Variants in PTPRG observed in about 807,000 individuals in gnomAD.
The protein encoded by PTPRG is receptor-type tyrosine-protein phosphatase gamma.
PTPRG carries 102 observed loss-of-function variants against 165.3 expected under a neutral mutation model. The ratio of observed to expected loss-of-function variants is 0.62; its 90% CI spans 0.53 to 0.73. PTPRG has a LOEUF of 0.73. Among genes scored for constraint, PTPRG ranks in the 30% least tolerant of loss-of-function variants. PTPRG has a pLI of 0.00. For synonymous variants in PTPRG, 675 were observed against 669.5 expected, an observed-to-expected ratio of 1.01 and a Z score of -0.13; for missense variants, 1,866 against 1,861.4, an observed-to-expected ratio of 1.00 and a Z score of -0.05.
intron 6 of PTPRG, among the ~76,000 whole-genome samples, chr3:62,150,605 C>G (rs1253351448): frequency 6.6e-6 from 1 of 152,104 alleles, no homozygotes; most frequent in Non-Finnish European, 1.5e-5. Flanking sequence ...TTGCATAACA[C>G]CAGGCAGAGG....
At chr3:61,736,167 C>T (rs1263384131) in intron 1 of PTPRG, among the ~76,000 whole-genome samples, 4 of 151,928 alleles carry the variant, frequency 2.6e-5, no homozygotes, top group African/African-American at 9.7e-5. Flanking sequence ...CTCAGCCTCC[C>T]AAAGTGCTAG....
At chr3:62,218,719 G>A (rs1700573728) in intron 12 of PTPRG, 132 bp from the exon 13 acceptor site, 2 of 1,205,718 alleles carry the variant, frequency 1.7e-6, no homozygotes, top group African/African-American at 1.5e-5. Context: ...TGCCCCTCCT[G>A]TCATGGGGCA....
Position 62,245,164 on chromosome 3 carries a change from C to A in PTPRG, c.2467+1266C>A, listed in dbSNP as rs1462286067. Among the ~76,000 whole-genome samples, 1 of 152,164 alleles carries A rather than the reference C, an allele frequency of 6.6e-6. No individual in the cohort carries two copies. Among genetic ancestry groups the A allele is most frequent in the Non-Finnish European group, 1.5e-5 (1 of 68,032 alleles). ...GCATTTTGTGGCTGCTAAACTAATT[C>A]TCATAAAGATAGGATAAGTTTTGTG... On this transcript the variant is annotated intron_variant, in intron 15 of 29. Transcript: ENST00000474889. This position sits in a 1 kb window ranked among gnomAD's most constrained non-coding sequence, Gnocchi z 4.2.
intron 5 of PTPRG, among the ~76,000 whole-genome samples, chr3:62,096,618 G>A (rs893293753): frequency 2.0e-5 from 3 of 152,140 alleles, no homozygotes; most frequent in Admixed American, 1.3e-4. Context: ...TAATTTTGCA[G>A]CCATATTGTA....
At chr3:61,968,200 A>G (rs2040311483) in intron 2 of PTPRG, among the ~76,000 whole-genome samples, 1 of 152,154 alleles carries the variant, frequency 6.6e-6, no homozygotes. Context: ...AAAGATTTTT[A>G]TTTTGTCAAG....
Position 62,265,896 on chromosome 3 carries a change from T to TATACACACACACACAC in PTPRG, c.2657-1513_2657-1512insTACACACACACACACA, listed in dbSNP as rs1553662684. 4.2e-3 allele frequency among the ~76,000 whole-genome samples: 545 copies of TATACACACACACACAC among 130,600 alleles called. 2 individuals carry two copies. The highest frequency in any genetic ancestry group is 0.011 in the East Asian group (48 of 4,498). 85.7% of individuals were successfully genotyped at this position (130,600 alleles called of 152,430 possible). Reference sequence around the variant, plus strand: ...CACACGTATACATCTGTGCCTTATATACACACACACACACACACACACACA... The same window carrying TATACACACACACACAC: ...CACACGTATACATCTGTGCCTTATATATACACACACACACACACACACACACACACACACACACACA... On this transcript the variant is annotated intron_variant, in intron 17 of 29. Transcript: ENST00000474889.
At chr3:61,719,134 T>G (rs938282809) in intron 1 of PTPRG, among the ~76,000 whole-genome samples, 6 of 152,180 alleles carry the variant, frequency 3.9e-5, no homozygotes, top group African/African-American at 1.4e-4. Context: ...CATGAGACAT[T>G]GTATTGCTTT....
At chr3:61,779,298 T>C (rs750462842) in intron 2 of PTPRG, among the ~76,000 whole-genome samples, 2 of 152,152 alleles carry the variant, frequency 1.3e-5, no homozygotes, top group Non-Finnish European at 2.9e-5. Context: ...AAGTGGAAGA[T>C]ATAATGCTAT....
At chr3:61,956,684 T>C (rs1043588316) in intron 2 of PTPRG, among the ~76,000 whole-genome samples, 1 of 152,210 alleles carries the variant, frequency 6.6e-6, no homozygotes, top group African/African-American at 2.4e-5. Context: ...TATATTAAAA[T>C]GAAAGACTAT....
At chr3:62,212,364 G>T (rs1028275432) in intron 12 of PTPRG, among the ~76,000 whole-genome samples, 1 of 152,142 alleles carries the variant, frequency 6.6e-6, no homozygotes, top group African/African-American at 2.4e-5. Context: ...GCAACAGCAT[G>T]GTTAGTTTCT....
intron 1 of PTPRG, among the ~76,000 whole-genome samples, chr3:61,654,842 T>C (rs1238512442): frequency 6.9e-6 from 1 of 144,906 alleles, no homozygotes; most frequent in South Asian, 2.2e-4. Context: ...AGTGCAGTGG[T>C]GCAATCTCGG....
chr3:61,577,338 C>G (rs552911299), intron 1 of PTPRG, among the ~76,000 whole-genome samples: 2 of 152,112 alleles, frequency 1.3e-5, no homozygotes, highest in African/African-American at 4.8e-5. Flanking sequence ...CCTCAAGATT[C>G]CTTTTGATGT....
chr3:61,640,312 G>A lies in PTPRG; in HGVS notation c.85+77940G>A, dbSNP rs532111301. ...TCAGTCTTTTCCCAAAATGAAAGCC[G>A]CCCTCTGGAGAGATCAGAGTAGGTC... On this transcript the variant is annotated intron_variant, in intron 1 of 29. Transcript: ENST00000474889. Among the ~76,000 whole-genome samples, 42 of 152,258 alleles carry A rather than the reference G, an allele frequency of 2.8e-4. 1 individual carries two copies. The highest frequency in any genetic ancestry group is 4.2e-4 in the South Asian group (2 of 4,818).
At chr3:61,931,486 G>A (rs547364602) in intron 2 of PTPRG, among the ~76,000 whole-genome samples, 10 of 152,242 alleles carry the variant, frequency 6.6e-5, no homozygotes, top group South Asian at 2.1e-4. Context: ...CACGTTACCC[G>A]TGCTGCCTCC....
intron 14 of PTPRG, among the ~76,000 whole-genome samples, chr3:62,239,678 A>G (rs368922722): frequency 4.6e-5 from 7 of 151,978 alleles, no homozygotes; most frequent in East Asian, 1.9e-4. Context: ...GAGAAATTCT[A>G]TCTCCATTCC....
chr3:61,853,122 G>C (rs1405013095), intron 2 of PTPRG, among the ~76,000 whole-genome samples: 2 of 152,182 alleles, frequency 1.3e-5, no homozygotes, highest in African/African-American at 4.8e-5. Context: ...GTGGGAAACA[G>C]ACAAAGAGTA....
At chr3:61,687,005 T>A (rs1176929589) in intron 1 of PTPRG, among the ~76,000 whole-genome samples, 1 of 152,142 alleles carries the variant, frequency 6.6e-6, no homozygotes, top group Non-Finnish European at 1.5e-5. Context: ...TTCAGAAAAT[T>A]AAATTTAATA....
At chr3:61,740,030 A>G (rs1259929698) in intron 1 of PTPRG, among the ~76,000 whole-genome samples, 1 of 152,214 alleles carries the variant, frequency 6.6e-6, no homozygotes, top group Non-Finnish European at 1.5e-5. Context: ...GGGTGAAACA[A>G]AAGTTCAGAT....
At chr3:61,716,347 A>G (rs546578783) in intron 1 of PTPRG, among the ~76,000 whole-genome samples, 2 of 152,334 alleles carry the variant, frequency 1.3e-5, no homozygotes, top group South Asian at 2.1e-4. Context: ...TCAAAGATGT[A>G]TCTCAACTAG....
Sources: allele counts gnomAD v4.1 joint callset (sites outside exome capture counted in the v4.1 genomes callset), GRCh38; gene constraint gnomAD v4.1.1; non-coding constraint Gnocchi (gnomAD v3.1); transcripts MANE v1.5; gene names NCBI Gene and HGNC (gene_info 2026-07-23, HGNC 2026-07-21).